The following CDH4 variants were observed in gnomAD, a reference collection of about 807,000 sequenced individuals.
CDH4 encodes the protein cadherin 4, also known as cadherin-4.
Under a neutral mutation model 86.0 loss-of-function variants are expected in CDH4, and 33 were observed. That is an observed-to-expected ratio of 0.38 (90% CI 0.29 to 0.51). CDH4 has a LOEUF of 0.51. Among genes scored for constraint, CDH4 ranks in the 20% least tolerant of loss-of-function variants. The pLI, the probability that CDH4 is intolerant of heterozygous loss-of-function variation, is 0.86. For missense variants in CDH4, 1,114 were observed against 1,307.4 expected (o/e 0.85, Z 2.28); for synonymous variants, 555 against 549.4 (o/e 1.01, Z -0.14).
At chr20:61,520,623 G>A (rs917706694) in intron 2 of CDH4, among the ~76,000 whole-genome samples, 2 of 152,200 alleles carry the variant, frequency 1.3e-5, no homozygotes, top group Admixed American at 1.3e-4. Flanking sequence ...CTTGGCATTT[G>A]GCGCATAGTT....
intron 6 of CDH4, among the ~76,000 whole-genome samples, chr20:61,872,510 GC>G (rs1291342525): frequency 4.6e-5 from 7 of 152,072 alleles, no homozygotes; most frequent in Non-Finnish European, 4.4e-5. Context: ...CCCGCACCTG[GC>G]CCGCCGCATG....
At chr20:61,759,235 C>T (rs545096453) in intron 3 of CDH4, among the ~76,000 whole-genome samples, 11 of 152,320 alleles carry the variant, frequency 7.2e-5, no homozygotes, top group African/African-American at 2.6e-4. Context: ...TGTTTCACTC[C>T]AAGGCCATGG....
rs191579639 is a variant in CDH4, at chr20:61,367,612, C to T, written c.169+112675C>T. Among the ~76,000 whole-genome samples, 481 of 150,600 alleles carry T rather than the reference C, an allele frequency of 3.2e-3. 9 individuals are homozygous for T. The highest frequency in any genetic ancestry group is 2.4e-3 in the East Asian group (12 of 5,040). ...AATGACAGTTATAGATCATAACCTC[C>T]AGAATAAACAGGAGCCCCGAGTCCA... On this transcript the variant is annotated intron_variant, in intron 2 of 15. Coordinates refer to ENST00000614565, the MANE Select transcript of CDH4 (RefSeq NM_001794.5).
chr20:61,608,156 A>G (rs2086659091), intron 2 of CDH4, among the ~76,000 whole-genome samples: 1 of 151,990 alleles, frequency 6.6e-6, no homozygotes, highest in Non-Finnish European at 1.5e-5. Context: ...GTAAAGCCAC[A>G]CCCGCTGCGG....
intron 2 of CDH4, among the ~76,000 whole-genome samples, chr20:61,670,054 G>A (rs563708159): frequency 1.3e-5 from 2 of 152,292 alleles, no homozygotes; most frequent in African/African-American, 2.4e-5. Context: ...ACCCCCAAAG[G>A]TGGTGCTGAC....
intron 2 of CDH4, among the ~76,000 whole-genome samples, chr20:61,386,270 C>T (rs1600927189): frequency 6.6e-6 from 1 of 152,294 alleles, no homozygotes; most frequent in African/African-American, 2.4e-5. Flanking sequence ...AGGAACAAAA[C>T]CTCTCGGTCT....
chr20:61,256,169 C>T (rs1048016736), intron 2 of CDH4, among the ~76,000 whole-genome samples: 5 of 152,254 alleles, frequency 3.3e-5, no homozygotes, highest in Middle Eastern at 3.4e-3. Flanking sequence ...CTGAGAATCT[C>T]AGTGGACTCC....
chr20:61,743,537 C>G, intron 2 of CDH4, 26 bp from the exon 3 acceptor site: 3 of 1,543,242 alleles, frequency 1.9e-6, no homozygotes, highest in Non-Finnish European at 2.6e-6. Flanking sequence ...CAAGCCGACC[C>G]TGACTCTCTC....
chr20:61,406,272 GACC>G (rs2085081634), intron 2 of CDH4, among the ~76,000 whole-genome samples: 1 of 149,924 alleles, frequency 6.7e-6, no homozygotes, highest in Non-Finnish European at 1.5e-5. Flanking sequence ...GCTCTACCCG[GACC>G]ACCATCTGCT....
At chr20:61,760,673 A>G (rs1008311376) in intron 3 of CDH4, among the ~76,000 whole-genome samples, 3 of 152,222 alleles carry the variant, frequency 2.0e-5, no homozygotes, top group Non-Finnish European at 4.4e-5. Flanking sequence ...TTTCCTTCCA[A>G]ATGGACACAG....
At chr20:61,713,678 C>G (rs1180245957) in intron 2 of CDH4, among the ~76,000 whole-genome samples, 1 of 152,254 alleles carries the variant, frequency 6.6e-6, no homozygotes, top group East Asian at 1.9e-4. Flanking sequence ...CTGCCCCCCA[C>G]TGCCCTGCTG....
chr20:61,398,333 T>C (rs2085030494), intron 2 of CDH4, among the ~76,000 whole-genome samples: 1 of 152,188 alleles, frequency 6.6e-6, no homozygotes. Context: ...TATTTAATGT[T>C]TTTTGCGTCT....
chr20:61,933,189 G>A, intron 14 of CDH4, 65 bp downstream of exon 14: 6 of 1,569,266 alleles, frequency 3.8e-6, no homozygotes, highest in Non-Finnish European at 4.3e-6. Flanking sequence ...TAGTGTCTCA[G>A]CAGGGATTGC....
rs1436181426 is a variant in CDH4, at chr20:61,566,482, G to A, written c.170-177081G>A. On this transcript the variant is annotated intron_variant, in intron 2 of 15. Coordinates refer to ENST00000614565, the MANE Select transcript of CDH4 (RefSeq NM_001794.5). The stretch of plus-strand genomic sequence containing the variant: ...CTTTCAGTGGTTGCCAGCGTAGAAC[G>A]CTCATTTTTATTAACCCTATTTCCT... Among the ~76,000 whole-genome samples the A allele has an allele frequency of 5.3e-5, 8 of 152,046 alleles. No homozygotes were observed. The South Asian group carries it at 8.3e-4, about 16-fold the overall frequency.
At chr20:61,579,166 C>T (rs1364956499) in intron 2 of CDH4, among the ~76,000 whole-genome samples, 1 of 152,172 alleles carries the variant, frequency 6.6e-6, no homozygotes, top group Non-Finnish European at 1.5e-5. Flanking sequence ...TAGGTACTCA[C>T]ACTCTCACAA....
intron 2 of CDH4, among the ~76,000 whole-genome samples, chr20:61,543,583 A>G (rs929650001): frequency 6.6e-6 from 1 of 152,236 alleles, no homozygotes; most frequent in African/African-American, 2.4e-5. Flanking sequence ...CAGTTATACA[A>G]TTAAAAAATA....
intron 3 of CDH4, among the ~76,000 whole-genome samples, chr20:61,744,449 GGAGAGAGAGAAGGAGGGAGAGA>G (rs2088386152): frequency 1.4e-5 from 1 of 70,982 alleles, no homozygotes; most frequent in Non-Finnish European, 2.8e-5. Context: ...AGGAAGAGAG[GGAGAGAGAGAAGGAGGGAGAGA>G]GATGGAGAGA....
rs1450992712 is a variant in CDH4, at chr20:61,709,801, G to C, written c.170-33762G>C. ...CGGGAGGTAGAGGTTCTTTCTTCTT[G>C]TTTTCCCACAGATGGCACAAGCTAA... On this transcript the variant is annotated intron_variant, in intron 2 of 15. Coordinates refer to ENST00000614565, the MANE Select transcript of CDH4 (RefSeq NM_001794.5). This position sits in a 1 kb window ranked among gnomAD's most constrained non-coding sequence, Gnocchi z 4.8. 1.3e-5 allele frequency among the ~76,000 whole-genome samples: 2 copies of C among 152,110 alleles called. No homozygotes were observed. Among genetic ancestry groups the C allele is most frequent in the African/African-American group, 4.8e-5 (2 of 41,412 alleles).
chr20:61,780,204 T>A (rs368101505), intron 4 of CDH4, among the ~76,000 whole-genome samples: 11 of 152,266 alleles, frequency 7.2e-5, no homozygotes, highest in African/African-American at 2.2e-4. Flanking sequence ...GACTGGCTCG[T>A]AGCTTCCAGA....
Sources: gnomAD v4.1 joint callset for allele counts (sites outside exome capture counted in the v4.1 genomes callset) on GRCh38, gnomAD v4.1.1 for gene constraint, Gnocchi (gnomAD v3.1) non-coding constraint, MANE v1.5 for transcripts, NCBI Gene and HGNC (gene_info 2026-07-23, HGNC 2026-07-21) for gene names.